The following RAPGEF1 variants were observed in gnomAD, a reference collection of about 807,000 sequenced individuals.
RAPGEF1 encodes CRK SH3-binding GNRP.
RAPGEF1 carries 33 observed loss-of-function variants against 143.3 expected under a neutral mutation model. That is an observed-to-expected ratio of 0.23 (90% CI 0.17 to 0.31). RAPGEF1 has a LOEUF of 0.31. RAPGEF1 is among the 10% of genes least tolerant of loss of function. The pLI, the probability that RAPGEF1 is intolerant of heterozygous loss-of-function variation, is 1.00. For synonymous variants in RAPGEF1, 629 were observed against 676.5 expected (o/e 0.93, Z 1.09); for missense variants, 1,199 against 1,645.4 (o/e 0.73, Z 4.69).
At chr9:131,646,633 C>T (rs1319679717) in intron 3 of RAPGEF1, among the ~76,000 whole-genome samples, 3 of 152,198 alleles carry the variant, frequency 2.0e-5, no homozygotes, top group Admixed American at 6.5e-5. Flanking sequence ...CTCTGTCACT[C>T]CTTGTCCCAT....
chr9:131,736,239 C>T (rs749663856), intron 1 of RAPGEF1, among the ~76,000 whole-genome samples: 12 of 152,262 alleles, frequency 7.9e-5, no homozygotes, highest in South Asian at 4.1e-4. Flanking sequence ...CTAATCTGTC[C>T]AGCTCTCTTC....
intron 25 of RAPGEF1, among the ~76,000 whole-genome samples, chr9:131,582,354 C>T (rs7861733): frequency 0.018 from 2,675 of 152,084 alleles, 75 homozygotes; most frequent in African/African-American, 0.06. Context: ...AAGGAGAACC[C>T]GTATTCTTCA....
At chr9:131,612,453 C>T (rs1958169188) in intron 12 of RAPGEF1, among the ~76,000 whole-genome samples, 1 of 152,168 alleles carries the variant, frequency 6.6e-6, no homozygotes, top group South Asian at 2.1e-4. Flanking sequence ...TTTTGAAAGC[C>T]CCCAATGCGA....
rs1211729762 is a variant in RAPGEF1, at chr9:131,650,982, G to A, written c.62-33C>T. 6.2e-7 allele frequency: 1 copy of A among 1,605,950 alleles called. No individual in the cohort carries two copies. Among genetic ancestry groups the A allele is most frequent in the African/African-American group, 1.3e-5 (1 of 74,490 alleles). ...CAAAGAGGGTACTGACTGTTAGATG[G>A]GAGTGGGAAGAAGCGATGGTTCATT... On this transcript the variant is annotated intron_variant, in intron 1 of 26. Coordinates refer to ENST00000683357, the MANE Select transcript of RAPGEF1 (RefSeq NM_001377935.1). This position sits in a 1 kb window ranked among gnomAD's most constrained non-coding sequence, Gnocchi z 4.7.
rs1970785517 is a variant in RAPGEF1, at chr9:131,650,410, TG to T, written c.202-169del. Among the ~76,000 whole-genome samples, 1 of 152,234 alleles carries T rather than the reference TG, an allele frequency of 6.6e-6. No individual in the cohort carries two copies. The highest frequency in any genetic ancestry group is 1.5e-5 in the Non-Finnish European group (1 of 68,038). ...TTGGCTGTGTCTCAAGGGGTTTGCA[TG>T]TTTCAGAGCACAGGCCCTAAAGCCA... On this transcript the variant is annotated intron_variant, in intron 2 of 26. Coordinates refer to ENST00000683357, the MANE Select transcript of RAPGEF1 (RefSeq NM_001377935.1). The surrounding 1 kb of genome is among the most constrained non-coding windows in gnomAD (Gnocchi z 4.7).
intron 1 of RAPGEF1, among the ~76,000 whole-genome samples, chr9:131,730,552 G>A (rs888752206): frequency 1.1e-4 from 17 of 151,386 alleles, no homozygotes; most frequent in South Asian, 6.3e-4. Flanking sequence ...AAAATTAGCC[G>A]GGCGTGGTGG....
intron 12 of RAPGEF1, among the ~76,000 whole-genome samples, chr9:131,618,161 CACTACTTCTGAGCTG>C (rs1466295850): frequency 2.0e-5 from 3 of 152,242 alleles, no homozygotes; most frequent in African/African-American, 7.2e-5. Context: ...ACAGGCATCA[CACTACTTCTGAGCTG>C]AGGCCCTAAG....
intron 1 of RAPGEF1, among the ~76,000 whole-genome samples, chr9:131,737,864 C>T (rs889983566): frequency 1.6e-4 from 19 of 116,268 alleles, no homozygotes; most frequent in Admixed American, 8.1e-4. Context: ...ACTCGGGAGG[C>T]TGAGGCAGGA....
intron 3 of RAPGEF1, 119 bp from the exon 4 acceptor site, chr9:131,643,536 C>G: frequency 1.0e-6 from 1 of 964,558 alleles, no homozygotes; most frequent in Non-Finnish European, 1.5e-6. Flanking sequence ...AAGGCTCTTG[C>G]TACAGAAACC....
At chr9:131,722,907 G>A (rs1836370815) in intron 1 of RAPGEF1, among the ~76,000 whole-genome samples, 1 of 151,638 alleles carries the variant, frequency 6.6e-6, no homozygotes. Context: ...AAACAACGGG[G>A]CGGGGGGCAG....
chr9:131,636,443 G>A (rs1157521418), intron 5 of RAPGEF1, among the ~76,000 whole-genome samples: 2 of 151,372 alleles, frequency 1.3e-5, no homozygotes, highest in Non-Finnish European at 1.5e-5. Flanking sequence ...TTTTTCCCCA[G>A]TCACTTTGAA....
chr9:131,592,822 T>A (rs1954570393), intron 17 of RAPGEF1, among the ~76,000 whole-genome samples: 1 of 152,166 alleles, frequency 6.6e-6, no homozygotes, highest in South Asian at 2.1e-4. Flanking sequence ...GCGATCTTGG[T>A]TCACTGCCAC....
At chr9:131,719,813 A>C (rs1363269797) in intron 1 of RAPGEF1, among the ~76,000 whole-genome samples, 1 of 151,668 alleles carries the variant, frequency 6.6e-6, no homozygotes, top group Non-Finnish European at 1.5e-5. Flanking sequence ...CATACACCGA[A>C]TTGGGGCAAA....
At chr9:131,721,472 C>T (rs1418007534) in intron 1 of RAPGEF1, among the ~76,000 whole-genome samples, 1 of 152,162 alleles carries the variant, frequency 6.6e-6, no homozygotes, top group Non-Finnish European at 1.5e-5. Context: ...GGCGAAGTCT[C>T]GTTTGGAGGG....
At chr9:131,716,437 T>C (rs1835869162) in intron 1 of RAPGEF1, among the ~76,000 whole-genome samples, 2 of 152,114 alleles carry the variant, frequency 1.3e-5, no homozygotes, top group African/African-American at 4.8e-5. Context: ...GAAGACTTGG[T>C]GGAAAGTCTA....
At chr9:131,712,535 A>ATCAGGAGTGCGAAGCCCCTGAAG (rs1403006953) in intron 1 of RAPGEF1, among the ~76,000 whole-genome samples, 7 of 152,148 alleles carry the variant, frequency 4.6e-5, no homozygotes, top group Non-Finnish European at 7.4e-5. Flanking sequence ...TTTCTTCCCT[A>ATCAGGAGTGCGAAGCCCCTGAAG]TCAGGAGTGC....
chr9:131,681,667 A>G (rs1051809640), intron 1 of RAPGEF1, among the ~76,000 whole-genome samples: 1 of 152,112 alleles, frequency 6.6e-6, no homozygotes, highest in African/African-American at 2.4e-5. Context: ...CCCAGGCCCA[A>G]CCTCGAATTA....
At chr9:131,704,451 C>T (rs1159159354) in intron 1 of RAPGEF1, among the ~76,000 whole-genome samples, 1 of 151,930 alleles carries the variant, frequency 6.6e-6, no homozygotes, top group Non-Finnish European at 1.5e-5. Context: ...ACAGCAAATC[C>T]CACAATCTGC....
chr9:131,703,924 C>A (rs1485973585), intron 1 of RAPGEF1, among the ~76,000 whole-genome samples: 1 of 152,176 alleles, frequency 6.6e-6, no homozygotes, highest in East Asian at 1.9e-4. Flanking sequence ...TGAAGCCAGG[C>A]AGATAATCCA....
Sources: gnomAD v4.1 joint callset for allele counts (sites outside exome capture counted in the v4.1 genomes callset) on GRCh38, gnomAD v4.1.1 for gene constraint, Gnocchi (gnomAD v3.1) non-coding constraint, MANE v1.5 for transcripts, NCBI Gene and HGNC (gene_info 2026-07-23, HGNC 2026-07-21) for gene names.